The following AHI1 variants were observed in gnomAD, a reference collection of about 807,000 sequenced individuals.
AHI1 encodes the protein Abelson helper integration site 1, also known as jouberin.
Under a neutral mutation model 149.3 loss-of-function variants are expected in AHI1, and 123 were observed. The ratio of observed to expected loss-of-function variants is 0.82; its 90% CI spans 0.71 to 0.96. The LOEUF is 0.96. Ranked by LOEUF, AHI1 falls within the 40% of genes least tolerant of loss-of-function variation. The pLI is 0.00. For synonymous variants in AHI1, 475 were observed against 459.8 expected, an observed-to-expected ratio of 1.03 and a Z score of -0.42; for missense variants, 1,439 against 1,422.7, an observed-to-expected ratio of 1.01 and a Z score of -0.18.
At chr6:135,370,396 G>C (rs79347371) in intron 23 of AHI1, among the ~76,000 whole-genome samples, 2,497 of 152,304 alleles carry the variant, frequency 0.016, 64 homozygotes, top group African/African-American at 0.057. Flanking sequence ...AGCTTCAAAA[G>C]TCCTCTTGGG....
intron 24 of AHI1, among the ~76,000 whole-genome samples, chr6:135,351,862 C>G (rs964084435): frequency 6.6e-6 from 1 of 152,186 alleles, no homozygotes; most frequent in African/African-American, 2.4e-5. Flanking sequence ...GGACCTGCGC[C>G]TCCTTCCTGG....
At chr6:135,478,069 G>C (rs1321696100) in intron 5 of AHI1, among the ~76,000 whole-genome samples, 1 of 152,158 alleles carries the variant, frequency 6.6e-6, no homozygotes, top group Admixed American at 6.5e-5. Context: ...CCAAAGTGCT[G>C]GGATTACAGG....
chr6:135,446,248 C>G (rs916202518), intron 13 of AHI1, among the ~76,000 whole-genome samples: 4 of 152,050 alleles, frequency 2.6e-5, no homozygotes, highest in African/African-American at 7.2e-5. Context: ...GAGACATGGT[C>G]TTTAAAAAGG....
Position 135,427,260 on chromosome 6 carries a change from G to T in AHI1, c.2671C>A (p.Arg891=), listed in dbSNP as rs1355690902. 6.2e-7 allele frequency: 1 copy of T among 1,610,298 alleles called. No homozygotes were observed. Among genetic ancestry groups the T allele is most frequent in the East Asian group, 2.2e-5 (1 of 44,708 alleles). The part of the protein sequence containing the change: ...YSDLPFKSPI[R]DISYHPFENM... ...TCAAATGGATGATAAGAAATGTCTCGAATGGGTGACTTGAATGGCAAGTCA... is the reference window on the plus strand; with the variant it reads ...TCAAATGGATGATAAGAAATGTCTCTAATGGGTGACTTGAATGGCAAGTCA... The change falls in exon 20 of 29, where the codon CGA becomes AGA. Residue 891 remains arginine, a synonymous_variant. Coordinates refer to ENST00000265602, the MANE Select transcript of AHI1 (RefSeq NM_001134831.2).
chr6:135,401,568 G>A (rs1319279825), intron 22 of AHI1, among the ~76,000 whole-genome samples: 1 of 151,816 alleles, frequency 6.6e-6, no homozygotes, highest in African/African-American at 2.4e-5. Context: ...TTTTGACAAG[G>A]GTGCCAACAC....
At position 135,351,033 on chromosome 6, in the gene AHI1, C is replaced by T. The variant is rs117789174; in HGVS notation, c.3165+7099G>A. 8.3e-3 allele frequency among the ~76,000 whole-genome samples: 1,260 copies of T among 151,882 alleles called. 9 individuals carry two copies. Among genetic ancestry groups the T allele is most frequent in the Non-Finnish European group, 0.012 (841 of 67,994 alleles). On this transcript the variant is annotated intron_variant, in intron 24 of 28. Transcript: ENST00000265602. The stretch of plus-strand genomic sequence containing the variant: ...TATTTAGGGTTGCCCGAGATAGTCC[C>T]AGTTCATGCCTATTGTCCTGGCATA...
At chr6:135,452,811 T>C (rs1298999287) in intron 11 of AHI1, among the ~76,000 whole-genome samples, 1 of 152,158 alleles carries the variant, frequency 6.6e-6, no homozygotes, top group African/African-American at 2.4e-5. Flanking sequence ...TTTGCATATA[T>C]TGTACCCTCT....
At chr6:135,352,278 G>A (rs775460668) in intron 24 of AHI1, among the ~76,000 whole-genome samples, 9 of 152,040 alleles carry the variant, frequency 5.9e-5, no homozygotes, top group Non-Finnish European at 1.0e-4. Context: ...AACATTCAAT[G>A]ATCTTTATAA....
intron 21 of AHI1, among the ~76,000 whole-genome samples, chr6:135,409,276 T>C (rs929756294): frequency 1.3e-5 from 2 of 152,186 alleles, no homozygotes; most frequent in African/African-American, 2.4e-5. Flanking sequence ...CACATCCTTA[T>C]ATTTTTAAAC....
intron 5 of AHI1, among the ~76,000 whole-genome samples, chr6:135,474,794 C>T (rs1295899243): frequency 1.3e-5 from 2 of 152,122 alleles, no homozygotes; most frequent in Non-Finnish European, 2.9e-5. Flanking sequence ...GGGGTATTAT[C>T]CTTTTCATAA....
Position 135,455,778 on chromosome 6 carries a change from G to A in AHI1, c.1300C>T (p.Leu434Phe), listed in dbSNP as rs761203456. The A allele has an allele frequency of 2.5e-6, 4 of 1,603,440 alleles. No homozygotes were observed. Among genetic ancestry groups the A allele is most frequent in the Non-Finnish European group, 2.6e-6 (3 of 1,174,152 alleles). Residue 434 changes from leucine (L) to phenylalanine (F), a missense_variant, in exon 10 of 29, where the codon CTT becomes TTT. By Grantham distance (22) the Leu-to-Phe change is conservative (BLOSUM62 0). Transcript: ENST00000265602. Reference protein sequence around the residue: ...IVFNENFPYLLRGSDESPKVI... With the variant: ...IVFNENFPYLFRGSDESPKVI... ...TTAGGACTCTCATCAGAGCCTCGAA[G>A]CAAATAGGGAAAATTTTCATTAAAT...
At chr6:135,355,901 A>AC (rs1251529345) in intron 24 of AHI1, among the ~76,000 whole-genome samples, 1 of 149,798 alleles carries the variant, frequency 6.7e-6, no homozygotes, top group Non-Finnish European at 1.5e-5. Context: ...TCTGTCTCAA[A>AC]AAAACAAACA....
At chr6:135,492,647 T>C in intron 3 of AHI1, 2 of 985,430 alleles carry the variant, frequency 2.0e-6, no homozygotes, top group Non-Finnish European at 2.4e-6. Context: ...CCAAACTCCA[T>C]CTCAGGATTG....
intron 28 of AHI1, 101 bp from the exon 29 acceptor site, chr6:135,285,748 G>A (rs1781601719): frequency 5.1e-6 from 5 of 977,662 alleles, no homozygotes; most frequent in Non-Finnish European, 7.9e-6. Context: ...AGGTAATAAA[G>A]GACATTGTGT....
chr6:135,467,709 C>G (rs1791013535), intron 5 of AHI1, 75 bp from the exon 6 acceptor site: 1 of 1,050,912 alleles, frequency 9.5e-7, no homozygotes, highest in Non-Finnish European at 1.4e-6. Flanking sequence ...AATTAATGTT[C>G]AACTATGTGG....
intron 24 of AHI1, among the ~76,000 whole-genome samples, chr6:135,329,543 CA>C (rs1156790036): frequency 1.6e-4 from 24 of 152,302 alleles, no homozygotes; most frequent in Admixed American, 3.3e-4. Context: ...AGATTCCTTT[CA>C]AAATATTACT....
intron 23 of AHI1, among the ~76,000 whole-genome samples, chr6:135,358,434 C>T (rs1439381057): frequency 2.0e-5 from 3 of 152,152 alleles, no homozygotes; most frequent in South Asian, 2.1e-4. Context: ...AGCAATAGCG[C>T]AAGATGTGTC....
In AHI1 at chr6:135,497,240, G is replaced by A. The variant is rs1562309373; in HGVS notation, c.-192C>T. 2 of 152,104 alleles carry A rather than the reference G, an allele frequency of 1.3e-5. No individual in the cohort carries two copies. The highest frequency in any genetic ancestry group is 2.9e-5 in the Non-Finnish European group (2 of 68,044). 9.4% of individuals were successfully genotyped at this position (152,104 alleles called of 1,614,324 possible). A position where few individuals can be genotyped will look rare whatever the true frequency, so the allele number is the denominator to read the frequency against. ...TTGACAGGTTGAAGATTCAGCCCCA[G>A]GTTGACACTCTAAAAGGAAATAAAC... On this transcript the variant is annotated 5_prime_UTR_variant, in exon 2 of 29. Transcript: ENST00000265602.
chr6:135,383,348 C>T (rs1437682075), intron 23 of AHI1, among the ~76,000 whole-genome samples: 2 of 150,844 alleles, frequency 1.3e-5, no homozygotes, highest in African/African-American at 4.9e-5. Context: ...CCCTCTGCCT[C>T]AGCCTTCTGA....
Sources: gnomAD v4.1 joint callset for allele counts (sites outside exome capture counted in the v4.1 genomes callset) on GRCh38, gnomAD v4.1.1 for gene constraint, MANE v1.5 for transcripts, NCBI Gene and HGNC (gene_info 2026-07-23, HGNC 2026-07-21) for gene names.